XDH: variants seen among roughly 807,000 people sequenced by gnomAD.
XDH encodes the protein xanthine dehydrogenase/oxidase.
A neutral mutation model predicts 156.1 loss-of-function variants in XDH; 138 were observed. The observed-to-expected ratio is 0.88, with a 90% CI of 0.77 to 1.02. XDH has a LOEUF of 1.02. Ranked by LOEUF, XDH falls within the 50% of genes least tolerant of loss-of-function variation. The pLI is 0.00. For missense variants in XDH, 1,849 were observed against 1,684.9 expected (o/e 1.10, Z -1.71); for synonymous variants, 669 against 625.7 (o/e 1.07, Z -1.03).
At chr2:31,397,856 G>T in intron 5 of XDH, 127 bp from the exon 6 acceptor site, 1 of 1,064,990 alleles carries the variant, frequency 9.4e-7, no homozygotes, top group Non-Finnish European at 1.4e-6. Context: ...ACCTCTGTCT[G>T]GAAGGCCTCT....
chr2:31,335,784 A>G lies in XDH; in HGVS notation c.*174T>C. ...AATTTGCTTATCATTGTGTTTACAA[A>G]TTACATTTTTGATCAAAATCTTCCA... is the stretch of plus-strand genomic sequence containing the variant. On this transcript the variant is annotated 3_prime_UTR_variant, in exon 36 of 36. Coordinates refer to ENST00000379416, the MANE Select transcript of XDH (RefSeq NM_000379.4). 1.4e-6 allele frequency: 1 copy of G among 733,506 alleles called. No individual in the cohort carries two copies. Among genetic ancestry groups the G allele is most frequent in the Non-Finnish European group, 2.4e-6 (1 of 425,326 alleles). The allele number at this position is 733,506 out of a possible 1,614,324, so 45.4% of individuals were successfully genotyped here.
At chr2:31,377,942 G>A (rs1182617445) in intron 13 of XDH, among the ~76,000 whole-genome samples, 1 of 151,160 alleles carries the variant, frequency 6.6e-6, no homozygotes, top group Non-Finnish European at 1.5e-5. Flanking sequence ...GATCACTTGA[G>A]CCTGGGACAT....
chr2:31,413,559 A>T (rs1421755058), intron 1 of XDH, among the ~76,000 whole-genome samples: 1 of 152,238 alleles, frequency 6.6e-6, no homozygotes, highest in Non-Finnish European at 1.5e-5. Flanking sequence ...CATCCTGGAA[A>T]TTTAAGACCT....
At chr2:31,380,267 C>T (rs1202554129) in intron 12 of XDH, among the ~76,000 whole-genome samples, 2 of 152,206 alleles carry the variant, frequency 1.3e-5, no homozygotes, top group African/African-American at 4.8e-5. Flanking sequence ...ACCAAAGTTG[C>T]ATCACTGAAT....
chr2:31,357,123 T>G (rs566953988), intron 24 of XDH, among the ~76,000 whole-genome samples: 8 of 152,216 alleles, frequency 5.3e-5, no homozygotes, highest in Non-Finnish European at 7.4e-5. Context: ...CAGCACTAAA[T>G]TGAATACATT....
intron 1 of XDH, among the ~76,000 whole-genome samples, chr2:31,406,745 G>C (rs1687200580): frequency 6.6e-6 from 1 of 152,186 alleles, no homozygotes; most frequent in African/African-American, 2.4e-5. Context: ...CTGAGAGCAT[G>C]GCATGCAGAT....
intron 34 of XDH, among the ~76,000 whole-genome samples, chr2:31,338,654 C>T (rs979520025): frequency 6.8e-6 from 1 of 146,768 alleles, no homozygotes; most frequent in African/African-American, 2.5e-5. Context: ...ACCATTTTTT[C>T]ATACTTACTG....
chr2:31,345,315 GCTATA>G (rs1185592014), intron 30 of XDH, among the ~76,000 whole-genome samples: 45 of 152,142 alleles, frequency 3.0e-4, no homozygotes, highest in African/African-American at 1.0e-3. Flanking sequence ...AAAGCAACAC[GCTATA>G]GCGCTCATGT....
At chr2:31,374,011 T>C in intron 15 of XDH, 55 bp from the exon 16 acceptor site, 2 of 1,550,246 alleles carry the variant, frequency 1.3e-6, no homozygotes, top group Non-Finnish European at 8.8e-7. Context: ...CACTGATTCC[T>C]TCCTTGCTTG....
At chr2:31,340,221 C>T (rs151280153) in intron 33 of XDH, among the ~76,000 whole-genome samples, 14 of 152,308 alleles carry the variant, frequency 9.2e-5, no homozygotes, top group African/African-American at 2.9e-4. Flanking sequence ...CATACCTCAA[C>T]GAGCATTCAG....
chr2:31,398,389 C>T (rs934967614), intron 5 of XDH, among the ~76,000 whole-genome samples, 184 bp downstream of exon 5: 8 of 152,220 alleles, frequency 5.3e-5, no homozygotes, highest in African/African-American at 1.4e-4. Context: ...TCCACACCAA[C>T]CAGGAGTTCT....
intron 2 of XDH, among the ~76,000 whole-genome samples, chr2:31,403,539 T>G (rs1687118719): frequency 1.3e-5 from 2 of 152,134 alleles, no homozygotes; most frequent in Non-Finnish European, 1.5e-5. Context: ...GGGCACACCA[T>G]GAAGCCACTT....
At chr2:31,403,227 G>T in intron 2 of XDH, 83 bp from the exon 3 acceptor site, 1 of 1,475,074 alleles carries the variant, frequency 6.8e-7, no homozygotes, top group Non-Finnish European at 9.3e-7. Flanking sequence ...AGAGCTGTGG[G>T]CAGAGCCATT....
At chr2:31,387,020 GAAGGAAGGAAGGAAGGAAGGAAGGAGT>G (rs1686626031) in intron 8 of XDH, among the ~76,000 whole-genome samples, 5 of 146,776 alleles carry the variant, frequency 3.4e-5, no homozygotes, top group South Asian at 2.3e-4. Context: ...AGGAAGGAAG[GAAGGAAGGAAGGAAGGAAGGAAGGAGT>G]TTGTTATAAG....
At position 31,383,002 on chromosome 2, in the gene XDH, G is replaced by A. The variant is rs142388231; in HGVS notation, c.1037C>T (p.Ala346Val). 646 of 1,614,010 alleles carry A rather than the reference G, an allele frequency of 4.0e-4. 1 individual carries two copies. The highest frequency in any genetic ancestry group is 4.5e-4 in the Non-Finnish European group (526 of 1,180,028). Residue 346 changes from alanine to valine, a missense_variant and splice_region_variant, in exon 11 of 36, where the codon GCG becomes GTG. Physicochemically the swap from Ala to Val is moderately conservative, Grantham distance 64. Transcript: ENST00000379416. ...CGCTTGCTTCTGAGAGCGACTCACC[G>A]CCACAGACTTGACTTGCTTCCCAGC... ...WFAGKQVKSV[A>V]SVGGNIITAS...
intron 24 of XDH, among the ~76,000 whole-genome samples, chr2:31,360,991 C>T (rs1256262333): frequency 1.3e-5 from 2 of 152,212 alleles, no homozygotes; most frequent in Non-Finnish European, 2.9e-5. Flanking sequence ...ATTAAGAACA[C>T]AAGCCTGATT....
intron 29 of XDH, among the ~76,000 whole-genome samples, chr2:31,347,161 T>A (rs1685320193): frequency 6.6e-6 from 1 of 152,164 alleles, no homozygotes; most frequent in South Asian, 2.1e-4. Flanking sequence ...ATATCCCCCA[T>A]ATGGCAGAGG....
At chr2:31,353,321 C>T (rs924980923) in intron 24 of XDH, among the ~76,000 whole-genome samples, 5 of 152,042 alleles carry the variant, frequency 3.3e-5, no homozygotes, top group Non-Finnish European at 5.9e-5. Context: ...TAAAAGCACA[C>T]GATAATTACT....
intron 13 of XDH, 111 bp downstream of exon 13, chr2:31,379,756 A>G (rs1572547702): frequency 9.6e-7 from 1 of 1,042,512 alleles, no homozygotes; most frequent in East Asian, 2.4e-5. Context: ...CATCAATGTA[A>G]AGGTTGAGAG....
Sources: gnomAD v4.1 joint callset for allele counts (sites outside exome capture counted in the v4.1 genomes callset) on GRCh38, gnomAD v4.1.1 for gene constraint, MANE v1.5 for transcripts, NCBI Gene and HGNC (gene_info 2026-07-23, HGNC 2026-07-21) for gene names.